GABPB2: variants seen among roughly 807,000 people sequenced by gnomAD.
GABPB2 encodes the protein GA-binding protein subunit beta-2.
GABPB2 carries 23 observed loss-of-function variants against 39.1 expected under a neutral mutation model. That is an observed-to-expected ratio of 0.59 (90% confidence interval 0.42 to 0.83). The LOEUF (loss-of-function observed/expected upper bound fraction) is 0.83, where lower values mean the gene tolerates loss of function less well. Among genes scored for constraint, GABPB2 ranks in the 40% least tolerant of loss-of-function variants. The pLI is 0.00. For missense variants in GABPB2, 467 were observed against 541.1 expected (o/e 0.86, Z 1.36); for synonymous variants, 184 against 199.3 (o/e 0.92, Z 0.65).
At chr1:151,088,095 C>T in intron 1 of GABPB2, 95 bp from the exon 2 acceptor site, 2 of 790,514 alleles carry the variant, frequency 2.5e-6, no homozygotes, top group Non-Finnish European at 4.3e-6. Context: ...ATCTTATATA[C>T]ATTCAAATAT....
At chr1:151,080,458 CTG>C (rs1478984723) in intron 1 of GABPB2, among the ~76,000 whole-genome samples, 1 of 151,188 alleles carries the variant, frequency 6.6e-6, no homozygotes, top group Admixed American at 6.6e-5. Context: ...TTGCAGTGAA[CTG>C]AGATCATTCC....
chr1:151,087,484 TAA>T (rs1297378241), intron 1 of GABPB2, among the ~76,000 whole-genome samples: 3 of 151,548 alleles, frequency 2.0e-5, no homozygotes, highest in Non-Finnish European at 4.4e-5. Flanking sequence ...CCATCTCTAC[TAA>T]AAATACAAAA....
At chr1:151,085,022 A>C (rs1333245552) in intron 1 of GABPB2, among the ~76,000 whole-genome samples, 1 of 151,174 alleles carries the variant, frequency 6.6e-6, no homozygotes, top group Non-Finnish European at 1.5e-5. Context: ...GCTTGAGCCT[A>C]AGTGGTCAAA....
chr1:151,073,674 C>A (rs1676911779), intron 1 of GABPB2, among the ~76,000 whole-genome samples: 1 of 152,116 alleles, frequency 6.6e-6, no homozygotes, highest in Non-Finnish European at 1.5e-5. Context: ...GTAATCCCAG[C>A]ACTTTGGGAG....
In GABPB2 at chr1:151,123,082, T is replaced by TG. The variant is rs1482845090; in HGVS notation, c.*4830dup. The TG allele has an allele frequency of 6.6e-6, 1 of 152,144 alleles. No individual in the cohort carries two copies. 9.4% of individuals were successfully genotyped at this position (152,144 alleles called of 1,614,324 possible). A position where few individuals can be genotyped will look rare whatever the true frequency, so the allele number is the denominator to read the frequency against. ...ATCTTTCTGGATTAGTCATGGAAGT[T>TG]GGGGAAATATTGCTTAGATCTTCTG... On this transcript the variant is annotated 3_prime_UTR_variant, in exon 9 of 9. Transcript: ENST00000368918.
At chr1:151,071,687 G>GT (rs1484999410) in intron 1 of GABPB2, among the ~76,000 whole-genome samples, 20 of 152,104 alleles carry the variant, frequency 1.3e-4, no homozygotes, top group Non-Finnish European at 2.2e-4. Flanking sequence ...AGCCAGGCTG[G>GT]TCTCGAACTC....
At chr1:151,074,002 A>C (rs1308901318) in intron 1 of GABPB2, among the ~76,000 whole-genome samples, 2 of 126,078 alleles carry the variant, frequency 1.6e-5, no homozygotes, top group South Asian at 5.4e-4. Context: ...TTTTTTTGAG[A>C]GTCTTGCTCT....
At chr1:151,093,019 T>C (rs1007420877) in intron 3 of GABPB2, among the ~76,000 whole-genome samples, 173 bp from the exon 4 acceptor site, 1 of 152,246 alleles carries the variant, frequency 6.6e-6, no homozygotes, top group African/African-American at 2.4e-5. Context: ...GAAAGCATTA[T>C]GTCTGTCAGC....
At chr1:151,071,241 G>C (rs1047396679) in intron 1 of GABPB2, among the ~76,000 whole-genome samples, 6 of 152,126 alleles carry the variant, frequency 3.9e-5, no homozygotes, top group African/African-American at 1.4e-4. Context: ...GCGGAGCCGG[G>C]GCCGAGGCCT....
intron 1 of GABPB2, among the ~76,000 whole-genome samples, chr1:151,074,719 A>G (rs759641201): frequency 6.6e-5 from 10 of 152,074 alleles, no homozygotes; most frequent in African/African-American, 2.4e-4. Context: ...AGAGAGAACA[A>G]CCAGAGGTCA....
chr1:151,088,035 T>G, intron 1 of GABPB2, 155 bp from the exon 2 acceptor site: 1 of 581,504 alleles, frequency 1.7e-6, no homozygotes, highest in Non-Finnish European at 3.1e-6. Flanking sequence ...ATTGTTTGTG[T>G]TAGACGAGGT....
At position 151,088,312 on chromosome 1, in the gene GABPB2, G is replaced by A; in HGVS notation, c.108+15G>A. 1 of 1,590,308 alleles carries A rather than the reference G, an allele frequency of 6.3e-7. No homozygotes were observed. On this transcript the variant is annotated intron_variant, in intron 2 of 8. Coordinates refer to ENST00000368918, the MANE Select transcript of GABPB2 (RefSeq NM_144618.3). ...CCACAGACTGGGTAAGCTTAGAGGA[G>A]AGGTCTCTTAATTATTTCCAATGTA...
At chr1:151,112,478 A>T (rs1039047650) in intron 7 of GABPB2, among the ~76,000 whole-genome samples, 2 of 151,364 alleles carry the variant, frequency 1.3e-5, no homozygotes, top group African/African-American at 4.8e-5. Flanking sequence ...AGTAGCTAGA[A>T]TTATAGGCGT....
At chr1:151,071,893 C>A (rs139525590) in intron 1 of GABPB2, among the ~76,000 whole-genome samples, 1 of 152,254 alleles carries the variant, frequency 6.6e-6, no homozygotes, top group African/African-American at 2.4e-5. Flanking sequence ...CCTGTTTTCA[C>A]ATACTTCCTT....
intron 1 of GABPB2, among the ~76,000 whole-genome samples, chr1:151,086,886 G>A (rs186583153): frequency 8.9e-4 from 135 of 151,912 alleles, no homozygotes; most frequent in African/African-American, 3.1e-3. Context: ...ATAGTGTCTC[G>A]CTCTGTCGCC....
intron 7 of GABPB2, among the ~76,000 whole-genome samples, chr1:151,108,576 A>G (rs1472333493): frequency 1.3e-5 from 2 of 151,880 alleles, no homozygotes; most frequent in Non-Finnish European, 2.9e-5. Flanking sequence ...ATCATGGGTC[A>G]CTGCAGCCTC....
At chr1:151,080,541 AAAT>A (rs979744832) in intron 1 of GABPB2, among the ~76,000 whole-genome samples, 1 of 149,774 alleles carries the variant, frequency 6.7e-6, no homozygotes, top group African/African-American at 2.5e-5. Context: ...ATAAATAAAT[AAAT>A]AAATAAAATA....
chr1:151,095,052 T>A (rs1679007610), intron 4 of GABPB2, among the ~76,000 whole-genome samples: 1 of 148,236 alleles, frequency 6.7e-6, no homozygotes, highest in African/African-American at 2.5e-5. Context: ...GTTGAAAGCA[T>A]GATAAAAGTA....
rs1161071102 is a variant in GABPB2, at chr1:151,117,835, C to G, written c.1048-122C>G. 9.3e-6 allele frequency: 9 copies of G among 964,984 alleles called. No individual in the cohort carries two copies. The Admixed American group carries it at 2.1e-4, about 22-fold the overall frequency. 59.8% of individuals were successfully genotyped at this position (964,984 alleles called of 1,614,324 possible). A position where few individuals can be genotyped will look rare whatever the true frequency, so the allele number is the denominator to read the frequency against. On this transcript the variant is annotated intron_variant, in intron 8 of 8. Coordinates refer to ENST00000368918, the MANE Select transcript of GABPB2 (RefSeq NM_144618.3). Reference sequence around the variant, plus strand: ...TTGACCTCAGATAATCTGCCTACCTCTGCCTCCCAAAGTGCTTGGATTATA... The same window carrying G: ...TTGACCTCAGATAATCTGCCTACCTGTGCCTCCCAAAGTGCTTGGATTATA...
Sources: allele counts gnomAD v4.1 joint callset (sites outside exome capture counted in the v4.1 genomes callset), GRCh38; gene constraint gnomAD v4.1.1; transcripts MANE v1.5; gene names NCBI Gene and HGNC (gene_info 2026-07-23, HGNC 2026-07-21).